CDK11B: variants seen among roughly 807,000 people sequenced by gnomAD.
CDK11B encodes the protein cyclin-dependent kinase 11B.
Under a neutral mutation model 84.0 loss-of-function variants are expected in CDK11B, and 37 were observed. The observed-to-expected ratio is 0.44, with a 90% CI of 0.34 to 0.58. The LOEUF (loss-of-function observed/expected upper bound fraction) is 0.58. CDK11B is among the 20% of genes least tolerant of loss of function. The pLI, the probability that CDK11B is intolerant of heterozygous loss-of-function variation, is 0.02. For missense variants in CDK11B, 427 were observed against 834.0 expected (o/e 0.51, Z 6.01); for synonymous variants, 269 against 309.8 (o/e 0.87, Z 1.38).
rs1450280934 is a variant in CDK11B at position 1,654,178 on chromosome 1, C to T, written c.227+1191G>A. On this transcript the variant is annotated intron_variant, in intron 3 of 19. Transcript: ENST00000341832. The stretch of plus-strand genomic sequence containing the variant: ...GCTGTGTTTCCTTTAATTACTAATA[C>T]CTGATGACGTATACGAGCTAGATAT... 1.3e-5 allele frequency: 6 copies of T among 463,092 alleles called. No homozygotes were observed. The Admixed American group carries it at 1.4e-4, about 11-fold the overall frequency. 28.7% of individuals were successfully genotyped at this position (463,092 alleles called of 1,614,324 possible).
intron 12 of CDK11B, 130 bp from the exon 13 acceptor site, chr1:1,638,013 G>C (rs1021552722): frequency 2.7e-5 from 40 of 1,462,374 alleles, no homozygotes; most frequent in Non-Finnish European, 3.5e-5. Context: ...CTCGTTCTAG[G>C]TGGGGGCACG....
chr1:1,657,254 A>G, intron 2 of CDK11B, 121 bp downstream of exon 2: 1 of 1,613,974 alleles, frequency 6.2e-7, no homozygotes, highest in Non-Finnish European at 8.5e-7. Context: ...TTTTGGGCTC[A>G]CCTGCGACAT....
intron 2 of CDK11B, among the ~76,000 whole-genome samples, chr1:1,655,699 G>A (rs1425264838): frequency 1.3e-5 from 2 of 151,336 alleles, no homozygotes; most frequent in African/African-American, 2.4e-5. Flanking sequence ...CCAGGCAGGC[G>A]GATCACGAGG....
intron 5 of CDK11B, chr1:1,645,551 G>GT (rs1280748755): frequency 2.7e-6 from 1 of 369,448 alleles, no homozygotes; most frequent in Non-Finnish European, 5.2e-6. Context: ...GCTAATTTTT[G>GT]TATTTTTAGT....
intron 4 of CDK11B, among the ~76,000 whole-genome samples, chr1:1,650,194 C>CGGG (rs1641772231): frequency 1.5e-5 from 2 of 136,906 alleles, no homozygotes; most frequent in East Asian, 5.0e-4. Flanking sequence ...AGCGTGAACC[C>CGGG]AGGAGATGGA....
At chr1:1,649,739 C>T in intron 4 of CDK11B, 102 bp from the exon 5 acceptor site, 4 of 1,160,862 alleles carry the variant, frequency 3.4e-6, no homozygotes, top group Middle Eastern at 2.3e-4. Context: ...CTTTGGGAGG[C>T]TGAGGCGGGC....
rs967177738 is a variant in CDK11B, at chr1:1,636,304, C to A, written c.2066+29G>T. ...GGAAGTCACCGCTATGGCTCGGGAC[C>A]TCCCGCCACCCGGCTGCACTGGGCT... On this transcript the variant is annotated intron_variant, in intron 18 of 19. Transcript: ENST00000341832. 22 of 1,544,472 alleles carry A rather than the reference C, an allele frequency of 1.4e-5. No individual in the cohort carries two copies. The Admixed American group carries it at 4.3e-4, about 31-fold the overall frequency.
rs1374588001 is a variant in CDK11B at position 1,636,690 on chromosome 1, C to A, written c.1909G>T (p.Val637Leu). 3 of 1,614,010 alleles carry A rather than the reference C, an allele frequency of 1.9e-6. No individual in the cohort carries two copies. Among genetic ancestry groups the A allele is most frequent in the South Asian group, 2.2e-5 (2 of 91,090 alleles). Reference protein sequence around the residue: ...GKSEIDQINKVFKDLGTPSEK... With the variant: ...GKSEIDQINKLFKDLGTPSEK... ...AGCAGGGCCAGACCCACCTTGAACA[C>A]CTTGTTGATCTGATCGATTTCTGAC... The change falls in exon 17 of 20, where the codon GTG becomes TTG. Residue 637 changes from valine to leucine, a missense_variant. By Grantham distance (32) the Val-to-Leu change is conservative. Transcript: ENST00000341832.
At chr1:1,651,875 T>G (rs1263536485) in intron 4 of CDK11B, among the ~76,000 whole-genome samples, 4 of 150,138 alleles carry the variant, frequency 2.7e-5, no homozygotes, top group Admixed American at 2.7e-4. Context: ...CCCTTCTGAA[T>G]GGTCTGTGAC....
rs1390664464 is a variant in CDK11B, at chr1:1,658,918, A to ACGCCGCCGCCGCTGC, written c.-33_-19dup. 4 of 192,078 alleles carry ACGCCGCCGCCGCTGC rather than the reference A, an allele frequency of 2.1e-5. No individual in the cohort carries two copies. Among genetic ancestry groups the ACGCCGCCGCCGCTGC allele is most frequent in the Non-Finnish European group, 4.3e-5 (4 of 93,640 alleles). 11.9% of individuals were successfully genotyped at this position (192,078 alleles called of 1,614,324 possible). A position where few individuals can be genotyped will look rare whatever the true frequency, so the allele number is the denominator to read the frequency against. On this transcript the variant is annotated 5_prime_UTR_variant, in exon 1 of 20. Coordinates refer to ENST00000341832, the MANE Select transcript of CDK11B (RefSeq NM_033486.3). ...GTCCGCCCAGTCGGAACTCACCCCT[A>ACGCCGCCGCCGCTGC]CGCCGCCGCCGCTGCCGCCGCCGCC...
chr1:1,636,553 A>C (rs942894630), intron 17 of CDK11B, 72 bp from the exon 18 acceptor site: 1 of 1,574,992 alleles, frequency 6.3e-7, no homozygotes, highest in African/African-American at 1.3e-5. Flanking sequence ...CCGTCAGAGA[A>C]GACAAGCCAC....
chr1:1,656,918 A>G (rs1312278853), intron 2 of CDK11B, among the ~76,000 whole-genome samples: 1 of 152,232 alleles, frequency 6.6e-6, no homozygotes, highest in Non-Finnish European at 1.5e-5. Flanking sequence ...TGATGCTGCT[A>G]AAGATCTTAG....
At chr1:1,644,932 G>A (rs1473769662) in intron 6 of CDK11B, among the ~76,000 whole-genome samples, 194 bp downstream of exon 6, 2 of 148,276 alleles carry the variant, frequency 1.3e-5, no homozygotes, top group African/African-American at 5.2e-5. Context: ...GGCAGAGGGT[G>A]CAGTGAGCCG....
Position 1,655,360 on chromosome 1 carries a change from T to C in CDK11B, c.227+9A>G, listed in dbSNP as rs762508798. The C allele has an allele frequency of 1.9e-6, 3 of 1,612,908 alleles. No homozygotes were observed. Among genetic ancestry groups the C allele is most frequent in the Non-Finnish European group, 2.5e-6 (3 of 1,179,340 alleles). The stretch of plus-strand genomic sequence containing the variant: ...CAGCTGGGTCTTGCACATCTGTACA[T>C]CCGCTCACCTGTCTTCCATAGAGTC... On this transcript the variant is annotated intron_variant, in intron 3 of 19. Transcript: ENST00000341832.
intron 9 of CDK11B, 121 bp from the exon 10 acceptor site, chr1:1,641,234 C>A: frequency 6.6e-7 from 1 of 1,518,820 alleles, no homozygotes; most frequent in Non-Finnish European, 9.0e-7. Context: ...GCAGGCCGGG[C>A]GCGGTGGCTC....
Position 1,650,143 on chromosome 1 carries a change from A to G in CDK11B, c.356-506T>C, listed in dbSNP as rs1338587769. Among the ~76,000 whole-genome samples, 467 of 145,296 alleles carry G rather than the reference A, an allele frequency of 3.2e-3. 1 individual carries two copies. Among genetic ancestry groups the G allele is most frequent in the Non-Finnish European group, 4.4e-3 (293 of 65,988 alleles). ...AAATTAGCTGGGTGTGGTGGCGGGC[A>G]CCTGTAGTCCCAGCTACTCGGGAGG... On this transcript the variant is annotated intron_variant, in intron 4 of 19. Coordinates refer to ENST00000341832, the MANE Select transcript of CDK11B (RefSeq NM_033486.3).
chr1:1,637,071 G>T lies in CDK11B; in HGVS notation c.1692+10C>A, dbSNP rs374090936. 138 of 1,613,530 alleles carry T rather than the reference G, an allele frequency of 8.6e-5. No homozygotes were observed. The highest frequency in any genetic ancestry group is 1.5e-4 in the Admixed American group (9 of 60,016). ...TCTCCCTGGGATGGGCCACTCGGAGGGGGGCTCACCTTGAGGATGCCGGCG... is the reference window on the plus strand; with the variant it reads ...TCTCCCTGGGATGGGCCACTCGGAGTGGGGCTCACCTTGAGGATGCCGGCG... On this transcript the variant is annotated intron_variant, in intron 15 of 19. Transcript: ENST00000341832.
intron 4 of CDK11B, among the ~76,000 whole-genome samples, chr1:1,649,993 A>G (rs878886430): frequency 0.62 from 89,927 of 145,490 alleles, 29,938 homozygotes; most frequent in African/African-American, 0.87. Flanking sequence ...TGAAATTAAG[A>G]CCGGGCGCGG....
chr1:1,651,847 A>G (rs1161940569), intron 4 of CDK11B, among the ~76,000 whole-genome samples: 1 of 150,276 alleles, frequency 6.7e-6, no homozygotes, highest in East Asian at 2.0e-4. Flanking sequence ...GCTTTTAGCT[A>G]GAGTTTGCTC....
Sources: gnomAD v4.1 joint callset for allele counts (sites outside exome capture counted in the v4.1 genomes callset) on GRCh38, gnomAD v4.1.1 for gene constraint, MANE v1.5 for transcripts, NCBI Gene and HGNC (gene_info 2026-07-23, HGNC 2026-07-21) for gene names.